Variants in GUCA1A observed in about 807,000 individuals in gnomAD.
The protein encoded by GUCA1A is guanylyl cyclase-activating protein 1.
GUCA1A carries 14 observed loss-of-function variants against 18.5 expected under a neutral mutation model. The ratio of observed to expected loss-of-function variants is 0.76; its 90% confidence interval spans 0.50 to 1.18. The LOEUF (loss-of-function observed/expected upper bound fraction) is 1.18. Ranked by LOEUF, GUCA1A falls within the 50% of genes most tolerant of loss-of-function variation. The pLI is 0.00. For synonymous variants in GUCA1A, 97 were observed against 100.2 expected (o/e 0.97, Z 0.19); for missense variants, 264 against 262.4 (o/e 1.01, Z -0.04).
rs1285834070 is a variant in GUCA1A, at chr6:42,179,407, C to T, written c.*4C>T. Reference sequence around the variant, plus strand: ...GGCCGCTGAGGCAGCCGGCTGAGTGCACCGCCCGGCTGCTTCTGCACTAGC... The same window carrying T: ...GGCCGCTGAGGCAGCCGGCTGAGTGTACCGCCCGGCTGCTTCTGCACTAGC... On this transcript the variant is annotated 3_prime_UTR_variant, in exon 4 of 4. Coordinates refer to ENST00000372958, the MANE Select transcript of GUCA1A (RefSeq NM_001384910.1). 6.3e-7 allele frequency: 1 copy of T among 1,580,544 alleles called. No individual in the cohort carries two copies. Among genetic ancestry groups the T allele is most frequent in the Admixed American group, 1.8e-5 (1 of 55,464 alleles).
chr6:42,173,732 G>A lies in GUCA1A; in HGVS notation c.119G>A (p.Arg40His), dbSNP rs186171388. 1.1e-5 allele frequency: 18 copies of A among 1,614,098 alleles called. No individual in the cohort carries two copies. In the Admixed American group the frequency reaches 1.3e-4, roughly 12 times the overall value. The change falls in exon 1 of 4, where the codon CGC (arginine) becomes CAC (histidine). Residue 40 changes from arginine (R) to histidine (H), a missense_variant. Arg to His is a conservative substitution (Grantham distance 29). Coordinates refer to ENST00000372958, the MANE Select transcript of GUCA1A (RefSeq NM_001384910.1). ...PSGQLTLYEF[R>H]QFFGLKNLSP... is the part of the protein sequence containing the mutation. The stretch of plus-strand genomic sequence containing the variant: ...GGCCAACTCACCCTCTATGAGTTCC[G>A]CCAGTTCTTCGGCCTCAAGAACCTG...
chr6:42,175,668 C>CATGTCTTA (rs1767940629), intron 1 of GUCA1A, among the ~76,000 whole-genome samples: 1 of 152,144 alleles, frequency 6.6e-6, no homozygotes, highest in African/African-American at 2.4e-5. Flanking sequence ...CTGAGCCAAC[C>CATGTCTTA]ATGTCTTAAT....
At position 42,179,432 on chromosome 6, in the gene GUCA1A, CGGGTG is replaced by C; in HGVS notation, c.*36_*40del. On this transcript the variant is annotated 3_prime_UTR_variant, in exon 4 of 4. Transcript: ENST00000372958. ...CACCGCCCGGCTGCTTCTGCACTAGCGGGTGGGGTGGTATGGTGGTGCCTGTTGGT... is the reference window on the plus strand; with the variant it reads ...CACCGCCCGGCTGCTTCTGCACTAGCGGGTGGTATGGTGGTGCCTGTTGGT... 6.5e-7 allele frequency: 1 copy of C among 1,534,944 alleles called. No homozygotes were observed. Among genetic ancestry groups the C allele is most frequent in the Non-Finnish European group, 8.8e-7 (1 of 1,135,270 alleles).
Position 42,177,641 on chromosome 6 carries a change from C to G in GUCA1A, c.202-639C>G, listed in dbSNP as rs118063408. ...AAATGAAGAGCAAAAGTATCCTCACCTGGTGTCCCCTCCCCCAGAGGAAAC... is the reference window on the plus strand; with the variant it reads ...AAATGAAGAGCAAAAGTATCCTCACGTGGTGTCCCCTCCCCCAGAGGAAAC... On this transcript the variant is annotated intron_variant, in intron 1 of 3. Coordinates refer to ENST00000372958, the MANE Select transcript of GUCA1A (RefSeq NM_001384910.1). Among the ~76,000 whole-genome samples the G allele has an allele frequency of 4.5e-4, 69 of 152,232 alleles. No homozygotes were observed. In the East Asian group the frequency reaches 0.013, roughly 28 times the overall value.
intron 2 of GUCA1A, 159 bp from the exon 3 acceptor site, chr6:42,178,643 T>A (rs750201492): frequency 2.4e-6 from 2 of 817,822 alleles, no homozygotes; most frequent in Admixed American, 3.4e-5. Flanking sequence ...ACGATAGAAG[T>A]TTGACTCTTG....
chr6:42,179,126 GCT>G, intron 3 of GUCA1A, 115 bp from the exon 4 acceptor site: 1 of 1,029,066 alleles, frequency 9.7e-7, no homozygotes, highest in East Asian at 2.4e-5. Context: ...CGCAGCAGGG[GCT>G]CTGACTTCTC....
Position 42,178,863 on chromosome 6 carries a change from C to G in GUCA1A, c.413C>G (p.Thr138Arg). ...ATGACTGCAGAGGAGTTCACCGATA[C>G]AGTGTTCTCCAAGATTGACGTCAAC... is the stretch of plus-strand genomic sequence containing the variant. ...TTMTAEEFTDTVFSKIDVNGD... is the reference protein window; with the variant it reads ...TTMTAEEFTDRVFSKIDVNGD... The change falls in exon 3 of 4, where the codon ACA becomes AGA. Residue 138 changes from threonine to arginine, a missense_variant. Transcript: ENST00000372958. 1 of 1,613,712 alleles carries G rather than the reference C, an allele frequency of 6.2e-7. No homozygotes were observed. Among genetic ancestry groups the G allele is most frequent in the Non-Finnish European group, 8.5e-7 (1 of 1,179,606 alleles).
At position 42,179,531 on chromosome 6, in the gene GUCA1A, A is replaced by C; in HGVS notation, c.*128A>C. On this transcript the variant is annotated 3_prime_UTR_variant, in exon 4 of 4. Transcript: ENST00000372958. ...GGCTTAGCTCGCCTCTTTAGGGTCC[A>C]TGGTGGCAGCAGAGAGGCAGAAGTG... 1 of 768,004 alleles carries C rather than the reference A, an allele frequency of 1.3e-6. No homozygotes were observed. Among genetic ancestry groups the C allele is most frequent in the Non-Finnish European group, 2.0e-6 (1 of 491,614 alleles). 47.6% of individuals were successfully genotyped at this position (768,004 alleles called of 1,614,324 possible).
In GUCA1A at chr6:42,176,767, A is replaced by T. The variant is rs969590235; in HGVS notation, c.202-1513A>T. 5.3e-5 allele frequency among the ~76,000 whole-genome samples: 8 copies of T among 152,292 alleles called. 1 individual carries two copies. In the South Asian group the frequency reaches 1.7e-3, roughly 32 times the overall value. On this transcript the variant is annotated intron_variant, in intron 1 of 3. Transcript: ENST00000372958. Reference sequence around the variant, plus strand: ...TGATACAGAGAGGAGTTAAACAGGGACAGGCAAATGACAGCACACAGGCCT... The same window carrying T: ...TGATACAGAGAGGAGTTAAACAGGGTCAGGCAAATGACAGCACACAGGCCT...
chr6:42,178,515 G>A, intron 2 of GUCA1A, 86 bp downstream of exon 2: 3 of 1,271,344 alleles, frequency 2.4e-6, no homozygotes, highest in Non-Finnish European at 3.4e-6. Context: ...ACAATCTCAG[G>A]ATTGAGACAG....
chr6:42,178,533 G>A, intron 2 of GUCA1A, 104 bp downstream of exon 2: 3 of 1,149,870 alleles, frequency 2.6e-6, no homozygotes, highest in South Asian at 1.2e-5. Flanking sequence ...CAGGATGTGG[G>A]ACTGAGGATC....
Position 42,178,351 on chromosome 6 carries a change from G to A in GUCA1A, c.273G>A (p.Lys91=), listed in dbSNP as rs757026414. The part of the protein sequence containing the change: ...SLVLKGKVEQ[K]LRWYFKLYDV... ...TCCTCAAGGGGAAGGTGGAACAGAA[G>A]CTCCGCTGGTACTTCAAGCTCTATG... Residue 91 remains lysine, a synonymous_variant, in exon 2 of 4, where the codon AAG becomes AAA. Transcript: ENST00000372958. The A allele has an allele frequency of 1.2e-5, 19 of 1,613,982 alleles. No individual in the cohort carries two copies. Among genetic ancestry groups the A allele is most frequent in the East Asian group, 2.2e-5 (1 of 44,880 alleles).
chr6:42,174,331 G>A (rs1245599546), intron 1 of GUCA1A, among the ~76,000 whole-genome samples: 1 of 152,246 alleles, frequency 6.6e-6, no homozygotes, highest in Admixed American at 6.5e-5. Context: ...TAGCCTCACT[G>A]TCTGGCATGG....
rs1481075956 is a variant in GUCA1A at position 42,178,267 on chromosome 6, G to A, written c.202-13G>A. 3 of 1,612,778 alleles carry A rather than the reference G, an allele frequency of 1.9e-6. No homozygotes were observed. The highest frequency in any genetic ancestry group is 2.7e-5 in the African/African-American group (2 of 74,934). Reference sequence around the variant, plus strand: ...GCCCGGATGGGCTCACGGCGGCCGCGCCCCTCGCCCAGGACGGCTACATTG... The same window carrying A: ...GCCCGGATGGGCTCACGGCGGCCGCACCCCTCGCCCAGGACGGCTACATTG... On this transcript the variant is annotated splice_polypyrimidine_tract_variant and intron_variant, in intron 1 of 3. Transcript: ENST00000372958.
At chr6:42,176,049 C>T (rs552461041) in intron 1 of GUCA1A, among the ~76,000 whole-genome samples, 16 of 152,180 alleles carry the variant, frequency 1.1e-4, no homozygotes, top group Non-Finnish European at 2.1e-4. Flanking sequence ...ACGTTTATCG[C>T]CTGTCTCCCC....
In GUCA1A at chr6:42,178,882, C is replaced by A; in HGVS notation, c.432C>A (p.Asp144Glu). Residue 144 changes from aspartate to glutamate, a missense_variant, in exon 3 of 4, where the codon GAC becomes GAA. By Grantham distance (45) the Asp-to-Glu change is conservative. Coordinates refer to ENST00000372958, the MANE Select transcript of GUCA1A (RefSeq NM_001384910.1). The stretch of plus-strand genomic sequence containing the variant: ...CCGATACAGTGTTCTCCAAGATTGA[C>A]GTCAACGGGGATGGTGAGGGGGCCG... ...EFTDTVFSKI[D>E]VNGDGELSLE... 6.2e-7 allele frequency: 1 copy of A among 1,612,322 alleles called. No individual in the cohort carries two copies. The highest frequency in any genetic ancestry group is 8.5e-7 in the Non-Finnish European group (1 of 1,178,388).
rs1768064111 is a variant in GUCA1A at position 42,179,538 on chromosome 6, C to T, written c.*135C>T. On this transcript the variant is annotated 3_prime_UTR_variant, in exon 4 of 4. Coordinates refer to ENST00000372958, the MANE Select transcript of GUCA1A (RefSeq NM_001384910.1). ...CTCGCCTCTTTAGGGTCCATGGTGGCAGCAGAGAGGCAGAAGTGGGAGTCC... is the reference window on the plus strand; with the variant it reads ...CTCGCCTCTTTAGGGTCCATGGTGGTAGCAGAGAGGCAGAAGTGGGAGTCC... The T allele has an allele frequency of 5.6e-6, 4 of 719,280 alleles. No homozygotes were observed. Among genetic ancestry groups the T allele is most frequent in the South Asian group, 2.1e-5 (1 of 48,256 alleles). 44.6% of individuals were successfully genotyped at this position (719,280 alleles called of 1,614,324 possible). A position where few individuals can be genotyped will look rare whatever the true frequency, so the allele number is the denominator to read the frequency against.
At chr6:42,178,611 G>GT in intron 2 of GUCA1A, 182 bp downstream of exon 2, 1 of 813,852 alleles carries the variant, frequency 1.2e-6, no homozygotes, top group South Asian at 1.4e-5. Context: ...CTTGGCCTCA[G>GT]TTTCCTCATC....
intron 1 of GUCA1A, among the ~76,000 whole-genome samples, chr6:42,176,569 G>A (rs984915854): frequency 6.6e-6 from 1 of 152,146 alleles, no homozygotes; most frequent in Non-Finnish European, 1.5e-5. Flanking sequence ...GAGTAGCTGG[G>A]ATTACAGGTG....
Sources: allele counts gnomAD v4.1 joint callset (sites outside exome capture counted in the v4.1 genomes callset), GRCh38; gene constraint gnomAD v4.1.1; transcripts MANE v1.5; gene names NCBI Gene and HGNC (gene_info 2026-07-23, HGNC 2026-07-21).